Variants in CLN8 observed in about 807,000 individuals in gnomAD.
CLN8 encodes CLN8 transmembrane ER and ERGIC protein, also known as protein CLN8.
Under a neutral mutation model 15.7 loss-of-function variants are expected in CLN8, and 14 were observed. The observed-to-expected ratio is 0.89, with a 90% CI of 0.59 to 1.39. The LOEUF (loss-of-function observed/expected upper bound fraction) is 1.39. Among genes scored for constraint, CLN8 ranks in the 40% most tolerant of loss-of-function variants. The pLI, the probability that CLN8 is intolerant of heterozygous loss-of-function variation, is 0.00. For missense variants in CLN8, 415 were observed against 364.0 expected, an observed-to-expected ratio of 1.14 and a Z score of -1.14; for synonymous variants, 188 against 151.0, an observed-to-expected ratio of 1.25 and a Z score of -1.80.
rs751762914 is a variant in CLN8 at position 1,771,075 on chromosome 8, G to A, written c.21G>A (p.Gly7=). The A allele has an allele frequency of 5.6e-6, 9 of 1,614,006 alleles. No homozygotes were observed. In the Admixed American group the frequency reaches 8.3e-5, roughly 15 times the overall value. The change falls in exon 2 of 3, where the codon GGG becomes GGA. Residue 7 remains glycine (G), a synonymous_variant. Transcript: ENST00000331222. ...GGACAATGAATCCTGCGAGCGATGG[G>A]GGCACATCAGAGAGCATTTTTGACC... The part of the protein sequence containing the change: MNPASD[G]GTSESIFDLD...
chr8:1,760,002 A>T (rs945869650), upstream of CLN8: 2 of 152,180 alleles, frequency 1.3e-5, no homozygotes, highest in African/African-American at 2.4e-5. Flanking sequence ...GGAACAACCA[A>T]ACCTCACAAT....
intron 2 of CLN8, among the ~76,000 whole-genome samples, chr8:1,774,214 A>G (rs563955895): frequency 1.3e-5 from 2 of 152,250 alleles, no homozygotes; most frequent in South Asian, 4.1e-4. Flanking sequence ...TTTTATTTTG[A>G]AGTTTGCACA....
intron 2 of CLN8, among the ~76,000 whole-genome samples, chr8:1,779,298 A>G (rs1366458246): frequency 6.6e-6 from 1 of 152,204 alleles, no homozygotes; most frequent in Admixed American, 6.5e-5. Context: ...ACTAGATTGC[A>G]GTGGCACGAT....
At chr8:1,755,304 G>C (rs764850123), upstream of CLN8, among the ~76,000 whole-genome samples, 10 of 151,910 alleles carry the variant, frequency 6.6e-5, no homozygotes, top group Non-Finnish European at 4.4e-5. Flanking sequence ...CTTTACTCTG[G>C]GTCCAAACCT....
chr8:1,769,343 G>C (rs1306431704), intron 1 of CLN8, among the ~76,000 whole-genome samples: 1 of 152,206 alleles, frequency 6.6e-6, no homozygotes, highest in Non-Finnish European at 1.5e-5. Context: ...TGATTGGCAA[G>C]TTTTTGCTGA....
upstream of CLN8, among the ~76,000 whole-genome samples, chr8:1,761,593 G>A (rs540185782): frequency 1.3e-5 from 2 of 152,358 alleles, no homozygotes; most frequent in Non-Finnish European, 2.9e-5. Context: ...CCAGAGTCCT[G>A]GGATTACAGG....
At chr8:1,767,094 T>C (rs751636719) in intron 1 of CLN8, among the ~76,000 whole-genome samples, 4 of 152,210 alleles carry the variant, frequency 2.6e-5, no homozygotes, top group Non-Finnish European at 5.9e-5. Flanking sequence ...TCTACCCTCA[T>C]GGCTGAGAGA....
chr8:1,774,699 A>G (rs1195584316), intron 2 of CLN8, among the ~76,000 whole-genome samples: 1 of 152,220 alleles, frequency 6.6e-6, no homozygotes. Context: ...AGGTGATATA[A>G]AAGCACTGTC....
At chr8:1,762,929 C>G (rs999041565), upstream of CLN8, 2 of 152,158 alleles carry the variant, frequency 1.3e-5, no homozygotes, top group African/African-American at 4.8e-5. Context: ...GATGTCGATT[C>G]TAAAGAGGGA....
upstream of CLN8, among the ~76,000 whole-genome samples, chr8:1,760,973 T>C (rs569592894): frequency 7.3e-5 from 11 of 151,536 alleles, no homozygotes; most frequent in African/African-American, 2.7e-4. Context: ...ATCCTTGGCA[T>C]TTCAGTGCGT....
At chr8:1,762,464 C>G (rs1400240006), upstream of CLN8, 1 of 152,214 alleles carries the variant, frequency 6.6e-6, no homozygotes, top group Non-Finnish European at 1.5e-5. Flanking sequence ...GTTCCCCTAA[C>G]ATCATGAAGG....
Position 1,770,946 on chromosome 8 carries a change from C to T in CLN8, c.-109C>T, listed in dbSNP as rs564362499. 2.1e-5 allele frequency: 20 copies of T among 967,678 alleles called. No homozygotes were observed. The highest frequency in any genetic ancestry group is 2.7e-4 in the Middle Eastern group (1 of 3,646). 59.9% of individuals were successfully genotyped at this position (967,678 alleles called of 1,614,324 possible). On this transcript the variant is annotated 5_prime_UTR_variant, in exon 2 of 3. The change creates a new upstream start codon in the 5' untranslated region. Coordinates refer to ENST00000331222, the MANE Select transcript of CLN8 (RefSeq NM_018941.4). ...CTTTCTTTTAGATTGAAGATGGATA[C>T]GTGACAATCCCAGGGACCGCTGCAC... is the stretch of plus-strand genomic sequence containing the variant.
chr8:1,762,931 A>C (rs1053304874), upstream of CLN8: 1 of 152,258 alleles, frequency 6.6e-6, no homozygotes, highest in African/African-American at 2.4e-5. Flanking sequence ...TGTCGATTCT[A>C]AAGAGGGAAC....
At chr8:1,758,027 A>C (rs1304087961) in intron 1 of CLN8, among the ~76,000 whole-genome samples, 1 of 152,110 alleles carries the variant, frequency 6.6e-6, no homozygotes, top group Non-Finnish European at 1.5e-5. Context: ...CAGCCAGCAG[A>C]AGTAACACCC....
chr8:1,767,641 A>G (rs1801121505), intron 1 of CLN8, among the ~76,000 whole-genome samples: 1 of 125,514 alleles, frequency 8.0e-6, no homozygotes, highest in Admixed American at 1.1e-4. Context: ...GCGCAATCTC[A>G]GCTCACTGCC....
chr8:1,753,268 T>C (rs1172537619), upstream of CLN8, among the ~76,000 whole-genome samples: 2 of 151,294 alleles, frequency 1.3e-5, no homozygotes, highest in African/African-American at 4.9e-5. Flanking sequence ...CAGATGGTGA[T>C]TTTGAAATTT....
intron 2 of CLN8, among the ~76,000 whole-genome samples, chr8:1,774,669 A>T (rs1315790696): frequency 1.3e-5 from 2 of 152,208 alleles, no homozygotes; most frequent in Non-Finnish European, 2.9e-5. Flanking sequence ...CCACAGACTC[A>T]CTAGTTCATA....
chr8:1,754,956 C>G (rs145492394), upstream of CLN8, among the ~76,000 whole-genome samples: 3 of 152,206 alleles, frequency 2.0e-5, no homozygotes, highest in Non-Finnish European at 4.4e-5. Context: ...TGCTGCAAAG[C>G]TCCAGAACCC....
At chr8:1,778,074 G>C (rs1801584298) in intron 2 of CLN8, among the ~76,000 whole-genome samples, 1 of 152,144 alleles carries the variant, frequency 6.6e-6, no homozygotes, top group Admixed American at 6.6e-5. Flanking sequence ...GTCTGAGGGA[G>C]GTGTGAGATC....
Sources: allele counts gnomAD v4.1 joint callset (sites outside exome capture counted in the v4.1 genomes callset), GRCh38; gene constraint gnomAD v4.1.1; transcripts MANE v1.5; gene names NCBI Gene and HGNC (gene_info 2026-07-23, HGNC 2026-07-21).